Variants in RHBDD3 observed in about 807,000 individuals in gnomAD.
RHBDD3 encodes rhomboid domain-containing protein 3.
In RHBDD3, 34 loss-of-function variants were observed where a neutral mutation model predicts 32.3. The ratio of observed to expected loss-of-function variants is 1.05; its 90% CI spans 0.80 to 1.40. RHBDD3 has a LOEUF of 1.40. Among genes scored for constraint, RHBDD3 ranks in the 40% most tolerant of loss-of-function variants. The pLI, the probability that RHBDD3 is intolerant of heterozygous loss-of-function variation, is 0.00. For missense variants in RHBDD3, 482 were observed against 492.6 expected, an observed-to-expected ratio of 0.98 and a Z score of 0.20; for synonymous variants, 249 against 239.1, an observed-to-expected ratio of 1.04 and a Z score of -0.38.
chr22:29,266,685 T>C (rs910172538), intron 2 of RHBDD3, among the ~76,000 whole-genome samples: 1 of 152,188 alleles, frequency 6.6e-6, no homozygotes, highest in Non-Finnish European at 1.5e-5. Flanking sequence ...CCAGGGCCTG[T>C]AGGTCTTCAC....
Position 29,260,150 on chromosome 22 carries a change from T to G in RHBDD3, c.1071A>C (p.Ser357=). The part of the protein sequence containing the change: ...AATGRVEGAV[S]LLVGGQVGTE... ...TGCCCACTTGTCCTCCAACCAACAG[T>G]GACACGGCACCCTCCACACGGCCTG... is the stretch of plus-strand genomic sequence containing the variant. The change falls in exon 7 of 7, where the codon TCA becomes TCC. Residue 357 remains serine (S), a synonymous_variant. Transcript: ENST00000216085. The G allele has an allele frequency of 6.3e-7, 1 of 1,589,204 alleles. No homozygotes were observed. The highest frequency in any genetic ancestry group is 1.1e-5 in the South Asian group (1 of 87,532).
chr22:29,261,795 C>CA (rs958573401), intron 4 of RHBDD3: 10 of 167,572 alleles, frequency 6.0e-5, no homozygotes, highest in African/African-American at 2.4e-4. Flanking sequence ...GATGGGATTA[C>CA]AGGCACGTGC....
At chr22:29,264,814 G>A (rs2058158071) in intron 3 of RHBDD3, among the ~76,000 whole-genome samples, 1 of 152,086 alleles carries the variant, frequency 6.6e-6, no homozygotes, top group Non-Finnish European at 1.5e-5. Context: ...GTCTCACTCT[G>A]TCACCCAGGC....
At chr22:29,263,407 G>A (rs998815927) in intron 4 of RHBDD3, among the ~76,000 whole-genome samples, 12 of 152,202 alleles carry the variant, frequency 7.9e-5, no homozygotes, top group Admixed American at 7.9e-4. Flanking sequence ...TTGAACTCCA[G>A]ACCTCAAGTG....
chr22:29,261,352 T>C (rs1180201662), intron 4 of RHBDD3: 2 of 467,440 alleles, frequency 4.3e-6, no homozygotes, highest in Non-Finnish European at 8.8e-6. Flanking sequence ...ATCCCAGCAC[T>C]TGGGGAGGCT....
rs372157315 is a variant in RHBDD3 at position 29,260,822 on chromosome 22, C to T, written c.575G>A (p.Arg192Gln). ...GACGCCCTCCTGCAGCACCTGCAGC[C>T]GTCGCTCTGAGGGTTCCAGCCACCG... ...AFRWLEPSER[R>Q]LQVLQEGVLC... Residue 192 changes from arginine (R) to glutamine (Q), a missense_variant, in exon 5 of 7, where the codon CGG becomes CAG. By Grantham distance (43) the Arg-to-Gln change is conservative. Coordinates refer to ENST00000216085, the MANE Select transcript of RHBDD3 (RefSeq NM_012265.3). 218 of 1,605,970 alleles carry T rather than the reference C, an allele frequency of 1.4e-4. 1 individual carries two copies. The African/African-American group carries it at 2.5e-3, about 18-fold the overall frequency.
Position 29,267,942 on chromosome 22 carries a change from T to A in RHBDD3, c.-389A>T. ...TAGTCAGCAGTTGTTCTAGTCCGGG[T>A]CCCTTCCCCCAGCCCTCCCGCCGAT... On this transcript the variant is annotated 5_prime_UTR_variant, in exon 1 of 7. Transcript: ENST00000216085. 2 of 307,786 alleles carry A rather than the reference T, an allele frequency of 6.5e-6. No homozygotes were observed. The highest frequency in any genetic ancestry group is 1.2e-5 in the Non-Finnish European group (2 of 160,056). 19.1% of individuals were successfully genotyped at this position (307,786 alleles called of 1,614,324 possible).
intron 3 of RHBDD3, 44 bp from the exon 4 acceptor site, chr22:29,264,262 C>A (rs749026868): frequency 6.8e-7 from 1 of 1,480,454 alleles, no homozygotes; most frequent in Non-Finnish European, 9.0e-7. Context: ...GTGGCCCCAA[C>A]ATCCAAGGCT....
In RHBDD3 at chr22:29,263,904, G is replaced by A. The variant is rs773792879; in HGVS notation, c.463C>T (p.Leu155=). The change falls in exon 4 of 7, where the codon CTG becomes TTG. Residue 155 remains leucine (L), a synonymous_variant. Coordinates refer to ENST00000216085, the MANE Select transcript of RHBDD3 (RefSeq NM_012265.3). ...PWLSPWLLLA[L]TPLLSSEPPF... is the part of the protein sequence containing the mutation. ...GGCTCAGAGCTGAGCAGTGGGGTCAGGGCAAGCAGCAGCCACGGCGACAGC... is the reference window on the plus strand; with the variant it reads ...GGCTCAGAGCTGAGCAGTGGGGTCAAGGCAAGCAGCAGCCACGGCGACAGC... 5 of 1,549,678 alleles carry A rather than the reference G, an allele frequency of 3.2e-6. No individual in the cohort carries two copies. Among genetic ancestry groups the A allele is most frequent in the South Asian group, 2.4e-5 (2 of 83,992 alleles).
intron 4 of RHBDD3, chr22:29,262,120 T>C (rs930369905): frequency 5.3e-5 from 8 of 150,908 alleles, no homozygotes; most frequent in Non-Finnish European, 8.8e-5. Context: ...AATATCTTGA[T>C]TATTATAATT....
In RHBDD3 at chr22:29,263,848, A is replaced by T; in HGVS notation, c.519T>A (p.Leu173=). 1 of 1,536,060 alleles carries T rather than the reference A, an allele frequency of 6.5e-7. No individual in the cohort carries two copies. The highest frequency in any genetic ancestry group is 2.5e-5 in the East Asian group (1 of 40,764). ...PPFLQLLCGL[L]AGLAYAAGAF... ...GGCAAAGGATACAGGCCAGGCCGGC[A>T]AGGAGGCCGCAAAGGAGCTGCAGGA... The change falls in exon 4 of 7, where the codon CTT becomes CTA. Residue 173 remains leucine, a synonymous_variant. Coordinates refer to ENST00000216085, the MANE Select transcript of RHBDD3 (RefSeq NM_012265.3).
chr22:29,265,672 G>T lies in RHBDD3; in HGVS notation c.-42-4C>A. On this transcript the variant is annotated splice_polypyrimidine_tract_variant and splice_region_variant and intron_variant, in intron 2 of 6. Transcript: ENST00000216085. Reference sequence around the variant, plus strand: ...AGGGTGGTCCTGGGGCTGTGTGCTGGGGATAAAAGAAAACAATAACAAGTT... The same window carrying T: ...AGGGTGGTCCTGGGGCTGTGTGCTGTGGATAAAAGAAAACAATAACAAGTT... The T allele has an allele frequency of 1.3e-6, 2 of 1,534,690 alleles. No individual in the cohort carries two copies. The highest frequency in any genetic ancestry group is 1.7e-6 in the Non-Finnish European group (2 of 1,152,100).
intron 2 of RHBDD3, among the ~76,000 whole-genome samples, chr22:29,266,566 G>C (rs967365619): frequency 6.6e-6 from 1 of 152,202 alleles, no homozygotes; most frequent in Non-Finnish European, 1.5e-5. Flanking sequence ...TATGGAGGTG[G>C]CTGCTCCAGC....
At chr22:29,261,685 C>T (rs756824516) in intron 4 of RHBDD3, among the ~76,000 whole-genome samples, 59 of 152,256 alleles carry the variant, frequency 3.9e-4, no homozygotes, top group Admixed American at 1.4e-3. Context: ...GACAGAGTCT[C>T]ACTCTGTCAC....
Position 29,265,526 on chromosome 22 carries a change from C to T in RHBDD3, c.101G>A (p.Gly34Asp), listed in dbSNP as rs763430621. The T allele has an allele frequency of 1.3e-6, 2 of 1,578,390 alleles. No individual in the cohort carries two copies. The highest frequency in any genetic ancestry group is 1.4e-5 in the African/African-American group (1 of 72,344). The change falls in exon 3 of 7, where the codon GGC becomes GAC. Residue 34 changes from glycine to aspartate, a missense_variant. Physicochemically the swap from Gly to Asp is moderately conservative, Grantham distance 94 (BLOSUM62 -1). Transcript: ENST00000216085. ...LMSTLWLVGA[G>D]PGLVLAPELL... ...CTCCGGGGCCAGGACCAGGCCGGGG[C>T]CGGCCCCCACCAGCCACAGGGTGCT...
chr22:29,268,120 C>T (rs1602114221), upstream of RHBDD3: 1 of 625,406 alleles, frequency 1.6e-6, no homozygotes, highest in South Asian at 1.8e-5. Context: ...GCTATTTTGG[C>T]CCGAGTGTCA....
At chr22:29,261,742 A>C (rs1047751341) in intron 4 of RHBDD3, 5 of 175,464 alleles carry the variant, frequency 2.8e-5, no homozygotes, top group Non-Finnish European at 6.1e-5. Flanking sequence ...GCAACCTCCA[A>C]CTCCGAGGTT....
Position 29,260,060 on chromosome 22 carries a change from C to T in RHBDD3, c.1161G>A (p.Ter387=), listed in dbSNP as rs1432034082. The T allele has an allele frequency of 1.9e-6, 3 of 1,558,226 alleles. No individual in the cohort carries two copies. The highest frequency in any genetic ancestry group is 1.7e-4 in the Middle Eastern group (1 of 6,014). ...GCCTGTGCCCCACTCTCTGCCTGGG[C>T]TAGGGAGGCCCAGGACCCTCGGAGT... The part of the protein sequence containing the change: ...PAHSEGPGPP[*] The change falls in exon 7 of 7, where the codon TAG becomes TAA. Residue 387 remains the stop codon, a stop_retained_variant. Transcript: ENST00000216085.
chr22:29,260,861 G>T lies in RHBDD3; in HGVS notation c.536C>A (p.Ala179Glu). The change falls in exon 5 of 7, where the codon GCA becomes GAA. Residue 179 changes from alanine (A) to glutamate (E), a missense_variant. Physicochemically the swap from Ala to Glu is moderately radical, Grantham distance 107 (BLOSUM62 -1). Transcript: ENST00000216085. ...LCGLLAGLAYAAGAFRWLEPS... is the reference protein window; with the variant it reads ...LCGLLAGLAYEAGAFRWLEPS... Reference sequence around the variant, plus strand: ...TTCCAGCCACCGGAAGGCCCCAGCTGCATCTGTCTGCCCGGGGCAGGGCGG... The same window carrying T: ...TTCCAGCCACCGGAAGGCCCCAGCTTCATCTGTCTGCCCGGGGCAGGGCGG... 1 of 1,579,816 alleles carries T rather than the reference G, an allele frequency of 6.3e-7. No individual in the cohort carries two copies. The highest frequency in any genetic ancestry group is 1.8e-5 in the Admixed American group (1 of 54,990).
Sources: gnomAD v4.1 joint callset for allele counts (sites outside exome capture counted in the v4.1 genomes callset) on GRCh38, gnomAD v4.1.1 for gene constraint, MANE v1.5 for transcripts, NCBI Gene and HGNC (gene_info 2026-07-23, HGNC 2026-07-21) for gene names.